The following SPOCK3 variants were observed in gnomAD, a reference collection of about 807,000 sequenced individuals.
The protein encoded by SPOCK3 is testican-3.
SPOCK3 carries 30 observed loss-of-function variants against 56.6 expected under a neutral mutation model. The observed-to-expected ratio is 0.53, with a 90% CI of 0.40 to 0.72. SPOCK3 has a LOEUF of 0.72. Ranked by LOEUF, SPOCK3 falls within the 30% of genes least tolerant of loss-of-function variation. The probability of loss-of-function intolerance (pLI) is 0.00; values close to 1 mark genes in which losing one functional copy is unlikely to be tolerated. For synonymous variants in SPOCK3, 196 were observed against 183.3 expected, an observed-to-expected ratio of 1.07 and a Z score of -0.56; for missense variants, 527 against 530.0, an observed-to-expected ratio of 0.99 and a Z score of 0.06.
intron 3 of SPOCK3, among the ~76,000 whole-genome samples, chr4:167,005,984 TG>T (rs1403567401): frequency 5.9e-5 from 9 of 152,316 alleles, no homozygotes; most frequent in African/African-American, 2.2e-4. Context: ...CAAATCATAT[TG>T]ATTTTTTACA....
chr4:167,156,702 C>T (rs1184606126), intron 2 of SPOCK3, among the ~76,000 whole-genome samples: 2 of 152,104 alleles, frequency 1.3e-5, no homozygotes, highest in African/African-American at 2.4e-5. Flanking sequence ...TTATGTAAAA[C>T]AGCCTCTTCA....
intron 3 of SPOCK3, among the ~76,000 whole-genome samples, chr4:167,012,342 C>A (rs1009008600): frequency 1.1e-4 from 16 of 151,842 alleles, no homozygotes; most frequent in African/African-American, 3.9e-4. Flanking sequence ...TTCAGTTTTC[C>A]TTCCTGGGTA....
intron 8 of SPOCK3, among the ~76,000 whole-genome samples, chr4:166,749,559 C>G (rs6835068): frequency 0.33 from 49,557 of 151,536 alleles, 8,275 homozygotes; most frequent in Admixed American, 0.42. Flanking sequence ...ATGGGTGCAG[C>G]ACACCAACAT....
chr4:166,972,955 G>A (rs754360052), intron 4 of SPOCK3, among the ~76,000 whole-genome samples: 4 of 152,002 alleles, frequency 2.6e-5, no homozygotes, highest in Non-Finnish European at 5.9e-5. Context: ...TACAAACAAT[G>A]GCTTAGGCAT....
chr4:166,769,396 C>A (rs890623196), intron 7 of SPOCK3, among the ~76,000 whole-genome samples: 1 of 152,108 alleles, frequency 6.6e-6, no homozygotes, highest in Non-Finnish European at 1.5e-5. Flanking sequence ...TGTTAGTTTT[C>A]TTTCTAACAG....
chr4:167,175,562 A>C (rs1730911777), intron 2 of SPOCK3, among the ~76,000 whole-genome samples: 1 of 152,108 alleles, frequency 6.6e-6, no homozygotes, highest in Non-Finnish European at 1.5e-5. Context: ...GTTAAAGTGA[A>C]TTCATTAGAG....
intron 4 of SPOCK3, among the ~76,000 whole-genome samples, chr4:166,993,220 C>T (rs947909056): frequency 6.6e-6 from 1 of 152,128 alleles, no homozygotes; most frequent in East Asian, 1.9e-4. Flanking sequence ...GCAGAAGGAG[C>T]CTTTAGGCCC....
chr4:167,100,853 A>G (rs1759577982), intron 2 of SPOCK3, among the ~76,000 whole-genome samples: 1 of 152,164 alleles, frequency 6.6e-6, no homozygotes, highest in Admixed American at 6.6e-5. Context: ...TCTGTGAAAT[A>G]GAGAGTGTTA....
intron 3 of SPOCK3, among the ~76,000 whole-genome samples, chr4:167,011,470 CTT>C (rs1750061639): frequency 6.6e-6 from 1 of 152,138 alleles, no homozygotes; most frequent in Non-Finnish European, 1.5e-5. Flanking sequence ...AAATTCAAAT[CTT>C]TGTTATTTAT....
intron 4 of SPOCK3, among the ~76,000 whole-genome samples, chr4:166,992,545 T>C (rs3968033): frequency 0.26 from 39,757 of 152,006 alleles, 5,401 homozygotes; most frequent in African/African-American, 0.33. Context: ...TTCTTTTATA[T>C]GAAAGGCACC....
chr4:166,869,823 A>G (rs1436698331), intron 6 of SPOCK3, among the ~76,000 whole-genome samples: 3 of 152,060 alleles, frequency 2.0e-5, no homozygotes, highest in Non-Finnish European at 2.9e-5. Flanking sequence ...TTTCATAGAG[A>G]TACAGCACCT....
intron 6 of SPOCK3, among the ~76,000 whole-genome samples, chr4:166,884,590 A>G (rs1448720161): frequency 1.3e-5 from 2 of 152,166 alleles, no homozygotes; most frequent in African/African-American, 4.8e-5. Flanking sequence ...AAAGTTATGT[A>G]ATTTACTAGG....
At position 166,973,091 on chromosome 4, in the gene SPOCK3, G is replaced by A. The variant is rs548749398; in HGVS notation, c.350+27258C>T. On this transcript the variant is annotated intron_variant, in intron 4 of 10. Coordinates refer to ENST00000357545, the MANE Select transcript of SPOCK3 (RefSeq NM_001040159.2). ...CTTGGTGGGAGGTGATTGGATCATG[G>A]GGGCAGTTTCTCCCATGATGTTCTT... is the stretch of plus-strand genomic sequence containing the variant. Among the ~76,000 whole-genome samples the A allele has an allele frequency of 6.6e-5, 10 of 152,120 alleles. No individual in the cohort carries two copies. The East Asian group carries it at 1.7e-3, about 27-fold the overall frequency.
chr4:167,114,098 C>T (rs764768858), intron 2 of SPOCK3, among the ~76,000 whole-genome samples: 11 of 152,082 alleles, frequency 7.2e-5, no homozygotes, highest in Admixed American at 2.0e-4. Flanking sequence ...TGTTCATGCT[C>T]CAGGAATACC....
At chr4:167,046,367 G>T (rs1753716947) in intron 3 of SPOCK3, among the ~76,000 whole-genome samples, 1 of 148,184 alleles carries the variant, frequency 6.7e-6, no homozygotes, top group African/African-American at 2.5e-5. Context: ...CTTGTTGTCT[G>T]ACACAAATTT....
Position 167,108,997 on chromosome 4 carries a change from TATATATAAATATATACTTATATAA to T in SPOCK3, c.190-46484_190-46461del, listed in dbSNP as rs1760476005. On this transcript the variant is annotated intron_variant, in intron 2 of 10. Coordinates refer to ENST00000357545, the MANE Select transcript of SPOCK3 (RefSeq NM_001040159.2). ...TAAATATTATAAATATATATTTATA[TATATATAAATATATACTTATATAA>T]AAATATATATAAATATATACTTATA... 3.1e-5 allele frequency among the ~76,000 whole-genome samples: 3 copies of T among 96,286 alleles called. 1 individual carries two copies. The highest frequency in any genetic ancestry group is 2.5e-4 in the East Asian group (1 of 3,942). 63.2% of individuals were successfully genotyped at this position (96,286 alleles called of 152,430 possible).
rs532815363 is a variant in SPOCK3 at position 167,163,094 on chromosome 4, A to G, written c.189+70891T>C. Among the ~76,000 whole-genome samples, 7 of 151,234 alleles carry G rather than the reference A, an allele frequency of 4.6e-5. No individual in the cohort carries two copies. The South Asian group carries it at 1.5e-3, about 31-fold the overall frequency. Reference sequence around the variant, plus strand: ...TTTAAAATTTTTCTTAGCTTTTATTATAATTTTTATTTACATACAATTTTG... The same window carrying G: ...TTTAAAATTTTTCTTAGCTTTTATTGTAATTTTTATTTACATACAATTTTG... On this transcript the variant is annotated intron_variant, in intron 2 of 10. Coordinates refer to ENST00000357545, the MANE Select transcript of SPOCK3 (RefSeq NM_001040159.2).
chr4:166,991,863 T>C (rs1212936400), intron 4 of SPOCK3, among the ~76,000 whole-genome samples: 4 of 152,172 alleles, frequency 2.6e-5, no homozygotes, highest in African/African-American at 4.8e-5. Context: ...CTTTTTGACA[T>C]AGCAATCCAA....
chr4:167,053,459 C>A (rs988804744), intron 3 of SPOCK3, among the ~76,000 whole-genome samples: 2 of 152,004 alleles, frequency 1.3e-5, no homozygotes, highest in Non-Finnish European at 2.9e-5. Context: ...GGCCGAGGGG[C>A]AGATCACTTG....
Sources: allele counts gnomAD v4.1 joint callset (sites outside exome capture counted in the v4.1 genomes callset), GRCh38; gene constraint gnomAD v4.1.1; transcripts MANE v1.5; gene names NCBI Gene and HGNC (gene_info 2026-07-23, HGNC 2026-07-21).